CSMD1: variants seen among roughly 807,000 people sequenced by gnomAD.
The protein encoded by CSMD1 is CUB and Sushi multiple domains 1.
Under a neutral mutation model 417.5 loss-of-function variants are expected in CSMD1, and 213 were observed. That is an observed-to-expected ratio of 0.51 (90% CI 0.46 to 0.57). The LOEUF is 0.57. Among genes scored for constraint, CSMD1 ranks in the 20% least tolerant of loss-of-function variants. The probability of loss-of-function intolerance (pLI) is 0.00; values close to 1 mark genes in which losing one functional copy is unlikely to be tolerated. For synonymous variants in CSMD1, 2,862 were observed against 1,736.8 expected, an observed-to-expected ratio of 1.65 and a Z score of -16.11; for missense variants, 6,923 against 4,529.7, an observed-to-expected ratio of 1.53 and a Z score of -15.17.
chr8:4,267,614 T>A (rs1323622583), intron 3 of CSMD1, among the ~76,000 whole-genome samples: 1 of 151,928 alleles, frequency 6.6e-6, no homozygotes, highest in East Asian at 1.9e-4. Flanking sequence ...AAATGGACAT[T>A]TATATTAAAT....
chr8:3,037,359 C>A lies in CSMD1; in HGVS notation c.7661-7846G>T, dbSNP rs566648700. 7.9e-3 allele frequency among the ~76,000 whole-genome samples: 1,069 copies of A among 135,834 alleles called. 15 individuals are homozygous for A. The highest frequency in any genetic ancestry group is 0.028 in the East Asian group (143 of 5,044). The allele number at this position is 135,834 out of a possible 152,430, so 89.1% of individuals were successfully genotyped here. A position where few individuals can be genotyped will look rare whatever the true frequency, so the allele number is the denominator to read the frequency against. On this transcript the variant is annotated intron_variant, in intron 50 of 69. Transcript: ENST00000635120. Reference sequence around the variant, plus strand: ...TAGCTGGGACTACAGGCGCCCGCCACCAAGCCCAGCTAATTTTTTTTTGTA... The same window carrying A: ...TAGCTGGGACTACAGGCGCCCGCCAACAAGCCCAGCTAATTTTTTTTTGTA...
chr8:4,080,003 GT>G (rs5889015), intron 3 of CSMD1, among the ~76,000 whole-genome samples: 14,500 of 144,452 alleles, frequency 0.1, 886 homozygotes, highest in African/African-American at 0.19. Context: ...GAATATTGGT[GT>G]TTTTTTTTTT....
At chr8:4,347,536 C>T (rs1260443931) in intron 3 of CSMD1, among the ~76,000 whole-genome samples, 6 of 152,122 alleles carry the variant, frequency 3.9e-5, no homozygotes, top group Non-Finnish European at 8.8e-5. Flanking sequence ...CAGGATAAGG[C>T]TGTCTCAACA....
chr8:4,693,771 G>A (rs1002513866), intron 1 of CSMD1, among the ~76,000 whole-genome samples: 16 of 152,350 alleles, frequency 1.1e-4, no homozygotes, highest in South Asian at 6.2e-4. Flanking sequence ...CAAATTCCTA[G>A]GCTCAAGCCA....
intron 1 of CSMD1, among the ~76,000 whole-genome samples, chr8:4,718,421 C>CCAGGCTGATTCTTAAG (rs1483806974): frequency 6.6e-6 from 1 of 152,054 alleles, no homozygotes; most frequent in East Asian, 1.9e-4. Flanking sequence ...ACCACTAAAA[C>CCAGGCTGATTCTTAAG]CAGGCTGATT....
intron 1 of CSMD1, among the ~76,000 whole-genome samples, chr8:4,852,932 G>A (rs1037262903): frequency 3.9e-5 from 6 of 152,150 alleles, no homozygotes; most frequent in African/African-American, 2.4e-5. Flanking sequence ...AGGGTACATG[G>A]CAGAAGGAAT....
chr8:4,835,268 G>T, intron 1 of CSMD1, among the ~76,000 whole-genome samples: 1 of 152,052 alleles, frequency 6.6e-6, no homozygotes, highest in Non-Finnish European at 1.5e-5. Flanking sequence ...ACTAAGGAGA[G>T]GTTACAATAC....
intron 25 of CSMD1, among the ~76,000 whole-genome samples, chr8:3,301,831 G>C (rs144731692): frequency 6.6e-6 from 1 of 152,284 alleles, no homozygotes; most frequent in Non-Finnish European, 1.5e-5. Flanking sequence ...TCAGTTGAGA[G>C]AAGACTAAAG....
At chr8:4,317,685 A>C (rs1237775391) in intron 3 of CSMD1, among the ~76,000 whole-genome samples, 1 of 152,118 alleles carries the variant, frequency 6.6e-6, no homozygotes, top group Non-Finnish European at 1.5e-5. Context: ...TTCTTTATAG[A>C]CTTAGAAGTG....
intron 47 of CSMD1, among the ~76,000 whole-genome samples, chr8:3,096,609 C>A (rs1039287472): frequency 2.0e-5 from 3 of 152,124 alleles, no homozygotes; most frequent in Admixed American, 2.0e-4. Flanking sequence ...AGTCTTGGGT[C>A]TGTCTTTATC....
At position 3,809,792 on chromosome 8, in the gene CSMD1, C is replaced by T. The variant is rs900091; in HGVS notation, c.819-55750G>A. 2.2e-3 allele frequency among the ~76,000 whole-genome samples: 341 copies of T among 152,232 alleles called. 2 individuals are homozygous for T. Among genetic ancestry groups the T allele is most frequent in the African/African-American group, 8.0e-3 (333 of 41,536 alleles). ...AGTATTAGAATGGGGGGTTCTATGTCATTAGGAGAAAATGCACTGTTCACA... is the reference window on the plus strand; with the variant it reads ...AGTATTAGAATGGGGGGTTCTATGTTATTAGGAGAAAATGCACTGTTCACA... On this transcript the variant is annotated intron_variant, in intron 5 of 69. Coordinates refer to ENST00000635120, the MANE Select transcript of CSMD1 (RefSeq NM_033225.6).
intron 2 of CSMD1, among the ~76,000 whole-genome samples, chr8:4,588,642 G>A (rs1048378241): frequency 1.3e-5 from 2 of 151,824 alleles, no homozygotes; most frequent in South Asian, 2.1e-4. Flanking sequence ...AAAATTAGCC[G>A]GGCGTGGTGG....
At chr8:4,070,273 C>T (rs567715833) in intron 3 of CSMD1, among the ~76,000 whole-genome samples, 1 of 152,092 alleles carries the variant, frequency 6.6e-6, no homozygotes. Flanking sequence ...AACTCTAAAA[C>T]ATAATGTTGT....
At chr8:4,111,097 G>C (rs751924484) in intron 3 of CSMD1, among the ~76,000 whole-genome samples, 5 of 152,070 alleles carry the variant, frequency 3.3e-5, no homozygotes, top group African/African-American at 4.8e-5. Flanking sequence ...TATCTTTCAA[G>C]GATTCCTTCT....
chr8:4,243,804 G>A (rs1172431478), intron 3 of CSMD1, among the ~76,000 whole-genome samples: 1 of 152,160 alleles, frequency 6.6e-6, no homozygotes, highest in Non-Finnish European at 1.5e-5. Flanking sequence ...ATCATGACAA[G>A]GTCATCTTTA....
intron 1 of CSMD1, among the ~76,000 whole-genome samples, chr8:4,922,216 G>GT (rs1197875678): frequency 1.3e-5 from 2 of 151,992 alleles, no homozygotes; most frequent in Admixed American, 1.3e-4. Flanking sequence ...GTCTGTCTGT[G>GT]TTTTTTTAAT....
intron 3 of CSMD1, among the ~76,000 whole-genome samples, chr8:4,385,367 G>A (rs532016936): frequency 8.5e-5 from 13 of 152,258 alleles, no homozygotes; most frequent in African/African-American, 3.1e-4. Context: ...TAACCGACGT[G>A]GCCCCAGCCT....
At chr8:3,819,561 C>CACACACACACACACACACTT (rs3219854) in intron 5 of CSMD1, among the ~76,000 whole-genome samples, 1 of 149,780 alleles carries the variant, frequency 6.7e-6, no homozygotes, top group Non-Finnish European at 1.5e-5. Context: ...CACACACACA[C>CACACACACACACACACACTT]GTATGTATAT....
chr8:4,153,794 T>C (rs1796689960), intron 3 of CSMD1, among the ~76,000 whole-genome samples: 1 of 152,224 alleles, frequency 6.6e-6, no homozygotes, highest in Non-Finnish European at 1.5e-5. Context: ...ACACAGTTTT[T>C]ATGTATTTGT....
Sources: gnomAD v4.1 joint callset for allele counts (sites outside exome capture counted in the v4.1 genomes callset) on GRCh38, gnomAD v4.1.1 for gene constraint, MANE v1.5 for transcripts, NCBI Gene and HGNC (gene_info 2026-07-23, HGNC 2026-07-21) for gene names.